Variants in ANKRD11 observed in about 807,000 individuals in gnomAD.
The protein encoded by ANKRD11 is ankyrin repeat domain 11, also known as ankyrin repeat domain-containing protein 11.
ANKRD11 carries 17 observed loss-of-function variants against 195.7 expected under a neutral mutation model. The ratio of observed to expected loss-of-function variants is 0.09; its 90% CI spans 0.06 to 0.13. The LOEUF (loss-of-function observed/expected upper bound fraction) is 0.13. ANKRD11 is among the 10% of genes least tolerant of loss of function. The probability of loss-of-function intolerance (pLI) is 1.00; values close to 1 mark genes in which losing one functional copy is unlikely to be tolerated. For synonymous variants in ANKRD11, 1,953 were observed against 1,528.1 expected, an observed-to-expected ratio of 1.28 and a Z score of -6.49; for missense variants, 3,735 against 3,566.1, an observed-to-expected ratio of 1.05 and a Z score of -1.21.
rs77213966 is a variant in ANKRD11 at position 89,291,401 on chromosome 16, C to CGTTACCAG, written c.227-226_227-219dup. 4.6e-3 allele frequency among the ~76,000 whole-genome samples: 697 copies of CGTTACCAG among 152,298 alleles called. 1 individual carries two copies. Among genetic ancestry groups the CGTTACCAG allele is most frequent in the Non-Finnish European group, 7.4e-3 (501 of 68,018 alleles). On this transcript the variant is annotated intron_variant, in intron 4 of 12. Coordinates refer to ENST00000301030, the MANE Select transcript of ANKRD11 (RefSeq NM_013275.6). This position sits in a 1 kb window ranked among gnomAD's most constrained non-coding sequence, Gnocchi z 5.3. ...TGACTGTGAGACCATTTAAACACCTCGTTACCAGCCCCTCAAGTCTGCTAA... is the reference window on the plus strand; with the variant it reads ...TGACTGTGAGACCATTTAAACACCTCGTTACCAGGTTACCAGCCCCTCAAGTCTGCTAA...
intron 4 of ANKRD11, among the ~76,000 whole-genome samples, chr16:89,296,723 G>A (rs1004500079): frequency 1.4e-4 from 22 of 152,188 alleles, no homozygotes; most frequent in African/African-American, 4.3e-4. Flanking sequence ...CAGGCTCTTC[G>A]TCTGTCTACA....
rs768300352 is a variant in ANKRD11, at chr16:89,280,862, G to C, written c.5680C>G (p.Pro1894Ala). 1.2e-6 allele frequency: 2 copies of C among 1,604,820 alleles called. No individual in the cohort carries two copies. The highest frequency in any genetic ancestry group is 1.7e-6 in the Non-Finnish European group (2 of 1,173,194). The stretch of plus-strand genomic sequence containing the variant: ...GAAGGAACCAGCAGCTCGGCTCTGG[G>C]GGAAGGGGAAGGTTTTGCTTGTAAA... Reference protein sequence around the residue: ...SSLQAKPSPSPRAELLVPSLE... With the variant: ...SSLQAKPSPSARAELLVPSLE... Residue 1894 changes from proline (P) to alanine (A), a missense_variant, in exon 9 of 13, where the codon CCC becomes GCC. Coordinates refer to ENST00000301030, the MANE Select transcript of ANKRD11 (RefSeq NM_013275.6).
intron 1 of ANKRD11, among the ~76,000 whole-genome samples, chr16:89,479,713 G>A (rs2057379322): frequency 6.6e-6 from 1 of 151,874 alleles, no homozygotes; most frequent in African/African-American, 2.4e-5. Flanking sequence ...GGGAGGCCGA[G>A]GGGGCGGATC....
chr16:89,302,458 G>A (rs565918501), intron 4 of ANKRD11, among the ~76,000 whole-genome samples: 10 of 152,254 alleles, frequency 6.6e-5, no homozygotes, highest in Non-Finnish European at 1.3e-4. Flanking sequence ...TCTTCATGTT[G>A]GTCAGGCTGG....
chr16:89,349,407 G>A (rs2152025039), intron 2 of ANKRD11, among the ~76,000 whole-genome samples: 1 of 152,126 alleles, frequency 6.6e-6, no homozygotes, highest in South Asian at 2.1e-4. Flanking sequence ...GTGAACCCGG[G>A]AGGCGGAGCT....
chr16:89,282,787 G>A lies in ANKRD11; in HGVS notation c.3755C>T (p.Ala1252Val). ...CGACTTCTCTTTGTGTTTGCTTTTA[G>A]CCTTGTCTTCGGCAGCGTGCTTCTT... is the stretch of plus-strand genomic sequence containing the variant. ...AEKKHAAEDK[A>V]KSKHKEKSDK... The change falls in exon 9 of 13, where the codon GCT (alanine) becomes GTT (valine). Residue 1252 changes from alanine (A) to valine (V), a missense_variant. Transcript: ENST00000301030. The A allele has an allele frequency of 6.2e-7, 1 of 1,611,738 alleles. No homozygotes were observed. Among genetic ancestry groups the A allele is most frequent in the Non-Finnish European group, 8.5e-7 (1 of 1,179,952 alleles).
In ANKRD11 at chr16:89,287,753, C is replaced by T. The variant is rs2034748494; in HGVS notation, c.744+775G>A. ...AGAGTCTTCAATCCACCCCCCACCC[C>T]ACCGGAACAAGCCGTTTCTCAAGTG... On this transcript the variant is annotated intron_variant, in intron 7 of 12. Coordinates refer to ENST00000301030, the MANE Select transcript of ANKRD11 (RefSeq NM_013275.6). The T allele has an allele frequency of 4.0e-5, 7 of 174,048 alleles. No individual in the cohort carries two copies. The Admixed American group carries it at 4.1e-4, about 10-fold the overall frequency. 10.8% of individuals were successfully genotyped at this position (174,048 alleles called of 1,614,324 possible).
rs200351209 is a variant in ANKRD11 at position 89,280,349 on chromosome 16, A to G, written c.6193T>C (p.Phe2065Leu). The part of the protein sequence containing the change: ...PYAPPSGLES[F>L]FSNCKSLPEA... ...GGAAGTGACTTGCAGTTGCTGAAGA[A>G]GGACTCCAGCCCGGAGGGAGGGGCG... Residue 2065 changes from phenylalanine (F) to leucine (L), a missense_variant, in exon 9 of 13, where the codon TTC (phenylalanine) becomes CTC (leucine). Transcript: ENST00000301030. 1.2e-4 allele frequency: 194 copies of G among 1,575,314 alleles called. No individual in the cohort carries two copies. In the African/African-American group the frequency reaches 2.1e-3, roughly 17 times the overall value.
intron 2 of ANKRD11, among the ~76,000 whole-genome samples, chr16:89,386,279 T>C (rs1465433286): frequency 6.6e-6 from 1 of 152,214 alleles, no homozygotes; most frequent in African/African-American, 2.4e-5. Context: ...CAGTCACTTT[T>C]TTTTTTTAAA....
chr16:89,402,386 T>C lies in ANKRD11; in HGVS notation c.-60+15898A>G, dbSNP rs1054144902. On this transcript the variant is annotated intron_variant, in intron 2 of 12. Coordinates refer to ENST00000301030, the MANE Select transcript of ANKRD11 (RefSeq NM_013275.6). Reference sequence around the variant, plus strand: ...GGGATTGAGCGCTTATTTAAATCGGTAGGCACATCAATTTAAATTTAGGTA... The same window carrying C: ...GGGATTGAGCGCTTATTTAAATCGGCAGGCACATCAATTTAAATTTAGGTA... Among the ~76,000 whole-genome samples, 4 of 152,126 alleles carry C rather than the reference T, an allele frequency of 2.6e-5. No individual in the cohort carries two copies. In the East Asian group the frequency reaches 5.8e-4, roughly 22 times the overall value.
At chr16:89,447,027 A>G (rs1199083809) in intron 1 of ANKRD11, among the ~76,000 whole-genome samples, 2 of 151,994 alleles carry the variant, frequency 1.3e-5, no homozygotes, top group South Asian at 4.1e-4. Flanking sequence ...ACAACCTGCC[A>G]CCAACTGAAT....
chr16:89,285,927 C>T lies in ANKRD11; in HGVS notation c.892+112G>A. 3.2e-6 allele frequency: 5 copies of T among 1,548,654 alleles called. No individual in the cohort carries two copies. The highest frequency in any genetic ancestry group is 4.4e-6 in the Non-Finnish European group (5 of 1,130,660). On this transcript the variant is annotated intron_variant, in intron 8 of 12. Transcript: ENST00000301030. The surrounding 1 kb of genome is among the most constrained non-coding windows in gnomAD (Gnocchi z 5.6). ...CCGCAGTCCAGAAGCTCCTGTAAGC[C>T]CCCAGCATCCGAGGAGGAGCTGATC...
In ANKRD11 at chr16:89,300,367, G is replaced by A. The variant is rs372453012; in HGVS notation, c.226+4839C>T. On this transcript the variant is annotated intron_variant, in intron 4 of 12. Transcript: ENST00000301030. ...GACCCTCGTCAACACACTGAGCTGA[G>A]GCCACTGGTCCACGGCACACTGCAG... The A allele has an allele frequency of 7.0e-5, 14 of 200,048 alleles. No individual in the cohort carries two copies. In the East Asian group the frequency reaches 2.3e-3, roughly 33 times the overall value. The allele number at this position is 200,048 out of a possible 1,614,324, so 12.4% of individuals were successfully genotyped here.
intron 1 of ANKRD11, among the ~76,000 whole-genome samples, chr16:89,430,504 G>A (rs2042931576): frequency 6.6e-6 from 1 of 151,582 alleles, no homozygotes; most frequent in South Asian, 2.1e-4. Context: ...AGTCGTTCTA[G>A]TACACAGCAG....
Position 89,280,535 on chromosome 16 carries a change from C to T in ANKRD11, c.6007G>A (p.Ala2003Thr). 6.2e-7 allele frequency: 1 copy of T among 1,612,210 alleles called. No homozygotes were observed. The highest frequency in any genetic ancestry group is 8.5e-7 in the Non-Finnish European group (1 of 1,179,706). Residue 2003 changes from alanine to threonine, a missense_variant, in exon 9 of 13, where the codon GCC (alanine) becomes ACC (threonine). By Grantham distance (58) the Ala-to-Thr change is moderately conservative. Coordinates refer to ENST00000301030, the MANE Select transcript of ANKRD11 (RefSeq NM_013275.6). ...GAGGCGCTGAAGGGCCCTGGGGCGG[C>T]AGAGTGGAGGGGGTCCGCGGGGCAG... The part of the protein sequence containing the change: ...RFCPADPLHS[A>T]APGPFSASEA...
At position 89,285,697 on chromosome 16, in the gene ANKRD11, C is replaced by T; in HGVS notation, c.893-48G>A. The T allele has an allele frequency of 1.3e-6, 2 of 1,597,486 alleles. No homozygotes were observed. The highest frequency in any genetic ancestry group is 1.7e-6 in the Non-Finnish European group (2 of 1,165,124). On this transcript the variant is annotated intron_variant, in intron 8 of 12. Coordinates refer to ENST00000301030, the MANE Select transcript of ANKRD11 (RefSeq NM_013275.6). The surrounding 1 kb of genome is among the most constrained non-coding windows in gnomAD (Gnocchi z 5.6). ...GGTCACAGGCAGGCTCAAAACAGCT[C>T]TCCCCAGAATGGCAGAGGAGGGAGG...
At chr16:89,403,568 C>T (rs1247554582) in intron 2 of ANKRD11, 1 of 152,192 alleles carries the variant, frequency 6.6e-6, no homozygotes, top group African/African-American at 2.4e-5. Flanking sequence ...AAAAGTACAC[C>T]ACCAAACAGA....
chr16:89,478,465 C>G (rs1013263898), intron 1 of ANKRD11, among the ~76,000 whole-genome samples: 7 of 152,188 alleles, frequency 4.6e-5, no homozygotes, highest in African/African-American at 1.7e-4. Context: ...CTACAGCCCC[C>G]ACCCGGTAAC....
chr16:89,385,637 C>T (rs903530696), intron 2 of ANKRD11, among the ~76,000 whole-genome samples: 2 of 152,242 alleles, frequency 1.3e-5, no homozygotes, highest in African/African-American at 2.4e-5. Context: ...GATGCATTTC[C>T]ACATTTCACT....
Sources: gnomAD v4.1 joint callset for allele counts (sites outside exome capture counted in the v4.1 genomes callset) on GRCh38, gnomAD v4.1.1 for gene constraint, Gnocchi (gnomAD v3.1) non-coding constraint, MANE v1.5 for transcripts, NCBI Gene and HGNC (gene_info 2026-07-23, HGNC 2026-07-21) for gene names.